Variants in DCTN5 observed in about 807,000 individuals in gnomAD.
DCTN5 encodes the protein dynactin 4.
In DCTN5, 14 loss-of-function variants were observed where a neutral mutation model predicts 23.5. The observed-to-expected ratio is 0.60, with a 90% CI of 0.39 to 0.93. The LOEUF is 0.93. Ranked by LOEUF, DCTN5 falls within the 40% of genes least tolerant of loss-of-function variation. The pLI is 0.00. For missense variants in DCTN5, 156 were observed against 225.9 expected, an observed-to-expected ratio of 0.69 and a Z score of 1.98; for synonymous variants, 67 against 79.6, an observed-to-expected ratio of 0.84 and a Z score of 0.84.
At chr16:23,657,566 G>A (rs1356440307) in intron 2 of DCTN5, 9 of 354,340 alleles carry the variant, frequency 2.5e-5, no homozygotes, top group South Asian at 6.0e-5. Flanking sequence ...TCAGCCTCCC[G>A]AGTAGCTGGG....
In DCTN5 at chr16:23,666,356, G is replaced by A. The variant is rs75945910; in HGVS notation, c.451+628G>A. On this transcript the variant is annotated intron_variant, in intron 5 of 5. Transcript: ENST00000300087. ...AATACCCTGGGGATACCTGAGAGGG[G>A]CAAATATTAATACATTATCTCTGGA... 7.3e-3 allele frequency: 1,114 copies of A among 153,566 alleles called. 16 individuals carry two copies. Among genetic ancestry groups the A allele is most frequent in the Middle Eastern group, 0.041 (12 of 294 alleles). The allele number at this position is 153,566 out of a possible 1,614,324, so 9.5% of individuals were successfully genotyped here. A position where few individuals can be genotyped will look rare whatever the true frequency, so the allele number is the denominator to read the frequency against.
chr16:23,660,677 T>C (rs1472495830), intron 3 of DCTN5, among the ~76,000 whole-genome samples: 1 of 152,208 alleles, frequency 6.6e-6, no homozygotes, highest in East Asian at 1.9e-4. Flanking sequence ...TTCTCTCTCT[T>C]TTGTCATTAT....
chr16:23,645,086 T>TAC (rs1967400141), intron 2 of DCTN5, among the ~76,000 whole-genome samples: 1 of 10,276 alleles, frequency 9.7e-5, no homozygotes, highest in Non-Finnish European at 1.5e-4. Context: ...AGCCTAACTA[T>TAC]ATATATATAT....
intron 2 of DCTN5, among the ~76,000 whole-genome samples, chr16:23,649,624 C>G (rs1405245054): frequency 1.3e-5 from 2 of 152,208 alleles, no homozygotes; most frequent in Admixed American, 1.3e-4. Flanking sequence ...GGGCGGATCA[C>G]TTGAGGGCAG....
chr16:23,663,512 A>T (rs1240577911), intron 4 of DCTN5, among the ~76,000 whole-genome samples: 2 of 152,030 alleles, frequency 1.3e-5, no homozygotes, highest in African/African-American at 4.8e-5. Context: ...CCAGGAGTTT[A>T]AGACCAGCCT....
chr16:23,652,055 A>G (rs1022814520), intron 2 of DCTN5, among the ~76,000 whole-genome samples: 13 of 152,228 alleles, frequency 8.5e-5, no homozygotes, highest in Non-Finnish European at 7.3e-5. Flanking sequence ...AATAAAAAAG[A>G]AAACCAAAAG....
At chr16:23,654,542 A>G (rs927794013) in intron 2 of DCTN5, among the ~76,000 whole-genome samples, 5 of 152,204 alleles carry the variant, frequency 3.3e-5, no homozygotes, top group African/African-American at 9.6e-5. Context: ...AATAATGTGT[A>G]CAACAAACCT....
intron 2 of DCTN5, among the ~76,000 whole-genome samples, chr16:23,652,498 C>T (rs1245505910): frequency 2.0e-5 from 3 of 152,206 alleles, no homozygotes; most frequent in Non-Finnish European, 4.4e-5. Flanking sequence ...AACCAATCAT[C>T]TTTATTGAGG....
In DCTN5 at chr16:23,671,226, A is replaced by G. The variant is rs1003429496; in HGVS notation, c.*4082A>G. 3.3e-5 allele frequency: 5 copies of G among 152,178 alleles called. No individual in the cohort carries two copies. Among genetic ancestry groups the G allele is most frequent in the African/African-American group, 9.7e-5 (4 of 41,436 alleles). The allele number at this position is 152,178 out of a possible 1,614,324, so 9.4% of individuals were successfully genotyped here. A position where few individuals can be genotyped will look rare whatever the true frequency, so the allele number is the denominator to read the frequency against. On this transcript the variant is annotated 3_prime_UTR_variant, in exon 6 of 6. Coordinates refer to ENST00000300087, the MANE Select transcript of DCTN5 (RefSeq NM_032486.4). ...ATAAAATGGGGAAGTTGGATAGGGT[A>G]TTATGATGATTGAAATGCATTTATA... is the stretch of plus-strand genomic sequence containing the variant.
At chr16:23,649,773 G>A (rs1420324731) in intron 2 of DCTN5, among the ~76,000 whole-genome samples, 1 of 151,160 alleles carries the variant, frequency 6.6e-6, no homozygotes, top group Non-Finnish European at 1.5e-5. Context: ...AGGAGGCAGA[G>A]GTTGTAGTGA....
intron 4 of DCTN5, among the ~76,000 whole-genome samples, chr16:23,661,751 T>TAAATAAATAAAA (rs1555464146): frequency 4.6e-5 from 7 of 151,092 alleles, no homozygotes; most frequent in African/African-American, 1.5e-4. Context: ...AATAAATAAA[T>TAAATAAATAAAA]AAAAAGATTT....
intron 2 of DCTN5, among the ~76,000 whole-genome samples, chr16:23,645,137 A>ATATATAATTTTTT (rs1555462995): frequency 3.2e-5 from 1 of 30,806 alleles, no homozygotes; most frequent in Non-Finnish European, 5.6e-5. Flanking sequence ...ATATATATAT[A>ATATATAATTTTTT]TTTTTTTTTT....
intron 2 of DCTN5, among the ~76,000 whole-genome samples, chr16:23,654,913 G>A (rs1334880654): frequency 2.0e-5 from 3 of 152,126 alleles, no homozygotes; most frequent in African/African-American, 7.2e-5. Context: ...CATCCATGTT[G>A]CTGCAAATGA....
chr16:23,668,539 C>G lies in DCTN5; in HGVS notation c.*1395C>G, dbSNP rs1181173400. On this transcript the variant is annotated 3_prime_UTR_variant, in exon 6 of 6. Transcript: ENST00000300087. ...ATGTCATCAGGCACCCAGGTTCCTACTGTCTTGCCATGTGGCCACAGTTAG... is the reference window on the plus strand; with the variant it reads ...ATGTCATCAGGCACCCAGGTTCCTAGTGTCTTGCCATGTGGCCACAGTTAG... The G allele has an allele frequency of 9.9e-5, 15 of 152,244 alleles. No individual in the cohort carries two copies. The highest frequency in any genetic ancestry group is 9.8e-4 in the Admixed American group (15 of 15,274). The allele number at this position is 152,244 out of a possible 1,614,324, so 9.4% of individuals were successfully genotyped here. A position where few individuals can be genotyped will look rare whatever the true frequency, so the allele number is the denominator to read the frequency against.
intron 3 of DCTN5, among the ~76,000 whole-genome samples, chr16:23,659,779 C>G (rs138387935): frequency 3.3e-5 from 5 of 152,240 alleles, no homozygotes; most frequent in Non-Finnish European, 7.4e-5. Flanking sequence ...ATAAAACATT[C>G]ACATGATTAG....
Position 23,667,239 on chromosome 16 carries a change from T to C in DCTN5, c.*95T>C. 1 of 1,495,694 alleles carries C rather than the reference T, an allele frequency of 6.7e-7. No individual in the cohort carries two copies. The highest frequency in any genetic ancestry group is 9.2e-7 in the Non-Finnish European group (1 of 1,089,402). The allele number at this position is 1,495,694 out of a possible 1,614,324, so 92.7% of individuals were successfully genotyped here. A position where few individuals can be genotyped will look rare whatever the true frequency, so the allele number is the denominator to read the frequency against. ...CACCTACAAAGAGCTTTTGTGTCTT[T>C]GACATCTACCACCCTCCTCCTTTTA... On this transcript the variant is annotated 3_prime_UTR_variant, in exon 6 of 6. Transcript: ENST00000300087.
chr16:23,643,130 C>A, intron 2 of DCTN5, 107 bp downstream of exon 2: 2 of 849,350 alleles, frequency 2.4e-6, no homozygotes, highest in Non-Finnish European at 1.9e-6. Context: ...TTATTGTTTA[C>A]ATTTTTAATT....
chr16:23,641,724 C>G lies in DCTN5; in HGVS notation c.48+134C>G, dbSNP rs892589347. 4 of 886,906 alleles carry G rather than the reference C, an allele frequency of 4.5e-6. No homozygotes were observed. In the East Asian group the frequency reaches 1.1e-4, roughly 24 times the overall value. The allele number at this position is 886,906 out of a possible 1,614,324, so 54.9% of individuals were successfully genotyped here. A position where few individuals can be genotyped will look rare whatever the true frequency, so the allele number is the denominator to read the frequency against. ...ATTAGTCCCGGATTATCTAGCGATG[C>G]CCCGTGTACCGTCTGGCTTTGCTGT... On this transcript the variant is annotated intron_variant, in intron 1 of 5. Transcript: ENST00000300087.
rs141071558 is a variant in DCTN5 at position 23,672,458 on chromosome 16, C to T, written c.*5314C>T. 5 of 152,246 alleles carry T rather than the reference C, an allele frequency of 3.3e-5. No homozygotes were observed. The highest frequency in any genetic ancestry group is 1.2e-4 in the African/African-American group (5 of 41,538). The allele number at this position is 152,246 out of a possible 1,614,324, so 9.4% of individuals were successfully genotyped here. ...TGATGGAGGAGCTAGCATTTGAACC[C>T]GGAGTTTTTAGTCTATTGAGTTTAA... On this transcript the variant is annotated 3_prime_UTR_variant, in exon 6 of 6. Coordinates refer to ENST00000300087, the MANE Select transcript of DCTN5 (RefSeq NM_032486.4).
Sources: gnomAD v4.1 joint callset for allele counts (sites outside exome capture counted in the v4.1 genomes callset) on GRCh38, gnomAD v4.1.1 for gene constraint, MANE v1.5 for transcripts, NCBI Gene and HGNC (gene_info 2026-07-23, HGNC 2026-07-21) for gene names.